Variants in SLX1B observed in about 807,000 individuals in gnomAD.
SLX1B encodes the protein structure-specific endonuclease subunit SLX1B, also known as structure-specific endonuclease subunit SLX1.
rs755925268 is a variant in SLX1B, at chr16:29,458,089, CT to C, written c.799-5del. On this transcript the variant is annotated splice_polypyrimidine_tract_variant and splice_region_variant and intron_variant, in intron 5 of 5. Transcript: ENST00000330181. ...CTGCCTGTGACCACACTGCTTGCCT[CT>C]GCAGGCACACTGGACAGACCTGCTG... 22 of 835,728 alleles carry C rather than the reference CT, an allele frequency of 2.6e-5. 1 individual carries two copies. In the African/African-American group the frequency reaches 3.1e-4, roughly 12 times the overall value. The allele number at this position is 835,728 out of a possible 1,614,324, so 51.8% of individuals were successfully genotyped here.
intron 3 of SLX1B, chr16:29,457,408 C>CA: frequency 1.3e-4 from 19 of 151,528 alleles, no homozygotes; most frequent in South Asian, 8.2e-4. Context: ...GGCTGTGACT[C>CA]AATCAATCAC....
In SLX1B at chr16:29,458,185, GT is replaced by G. The variant is rs1401175038; in HGVS notation, c.*66del. 2 of 503,944 alleles carry G rather than the reference GT, an allele frequency of 4.0e-6. No individual in the cohort carries two copies. Among genetic ancestry groups the G allele is most frequent in the Non-Finnish European group, 6.7e-6 (2 of 298,728 alleles). The allele number at this position is 503,944 out of a possible 1,614,324, so 31.2% of individuals were successfully genotyped here. On this transcript the variant is annotated 3_prime_UTR_variant, in exon 6 of 6. Transcript: ENST00000330181. ...GTGCCACCTGCTGTGGGTCCAGCAG[GT>G]TTTTACTTGAGTACAATAAAAAGTC...
chr16:29,455,732 CCCG>C lies in SLX1B; in HGVS notation c.440_442del (p.Pro147del). ...CAGACCTCCGCCAGGACCTCTGCCTCCCGCCGCCGCCGCACGTGCCTCTGGCCT... is the reference window on the plus strand; with the variant it reads ...CAGACCTCCGCCAGGACCTCTGCCTCCCGCCGCCGCACGTGCCTCTGGCCT... On this transcript the variant is annotated inframe_deletion, in exon 3 of 6. Coordinates refer to ENST00000330181, the MANE Select transcript of SLX1B (RefSeq NM_024044.4). 6 of 13,852 alleles carry C rather than the reference CCCG, an allele frequency of 4.3e-4. No homozygotes were observed. The highest frequency in any genetic ancestry group is 3.2e-4 in the Non-Finnish European group (3 of 9,426). 0.9% of individuals were successfully genotyped at this position (13,852 alleles called of 1,614,324 possible).
Sources: gnomAD v4.1 joint callset for allele counts on GRCh38, gnomAD v4.1.1 for gene constraint, MANE v1.5 for transcripts, NCBI Gene and HGNC (gene_info 2026-07-23, HGNC 2026-07-21) for gene names.